The following TSPAN2 variants were observed in gnomAD, a reference collection of about 807,000 sequenced individuals.
TSPAN2 encodes the protein tetraspanin 2, also known as tetraspanin-2.
In TSPAN2, 24 loss-of-function variants were observed where a neutral mutation model predicts 33.3. The observed-to-expected ratio is 0.72, with a 90% CI of 0.52 to 1.01. The LOEUF (loss-of-function observed/expected upper bound fraction) is 1.01. TSPAN2 is among the 50% of genes least tolerant of loss of function. TSPAN2 has a pLI of 0.00. For missense variants in TSPAN2, 278 were observed against 281.3 expected, an observed-to-expected ratio of 0.99 and a Z score of 0.08; for synonymous variants, 114 against 104.5, an observed-to-expected ratio of 1.09 and a Z score of -0.56.
intron 4 of TSPAN2, among the ~76,000 whole-genome samples, chr1:115,059,831 G>A (rs1424734734): frequency 2.0e-5 from 3 of 152,126 alleles, no homozygotes; most frequent in African/African-American, 7.2e-5. Context: ...TCTAAAATAA[G>A]TTCAGAAACA....
At chr1:115,060,255 T>C (rs1647661093) in intron 4 of TSPAN2, among the ~76,000 whole-genome samples, 1 of 152,136 alleles carries the variant, frequency 6.6e-6, no homozygotes, top group East Asian at 1.9e-4. Context: ...ATGGAAGAGA[T>C]GAACTATCTC....
rs943568804 is a variant in TSPAN2, at chr1:115,048,732, A to G, written c.*1758T>C. On this transcript the variant is annotated 3_prime_UTR_variant, in exon 8 of 8. Transcript: ENST00000369516. Reference sequence around the variant, plus strand: ...GCCTAAAAGGTCACATTTCTCAACTACTGGGGTACAAACTATATTTCATGA... The same window carrying G: ...GCCTAAAAGGTCACATTTCTCAACTGCTGGGGTACAAACTATATTTCATGA... 6.6e-6 allele frequency: 1 copy of G among 152,082 alleles called. No individual in the cohort carries two copies. The highest frequency in any genetic ancestry group is 2.4e-5 in the African/African-American group (1 of 41,430). 9.4% of individuals were successfully genotyped at this position (152,082 alleles called of 1,614,324 possible). A position where few individuals can be genotyped will look rare whatever the true frequency, so the allele number is the denominator to read the frequency against.
chr1:115,084,656 G>T (rs1344552895), intron 1 of TSPAN2, among the ~76,000 whole-genome samples: 2 of 152,150 alleles, frequency 1.3e-5, no homozygotes, highest in Non-Finnish European at 2.9e-5. Flanking sequence ...CTTATGGGCT[G>T]GTCTCCAAAG....
At chr1:115,061,378 G>A (rs1258430216) in intron 3 of TSPAN2, among the ~76,000 whole-genome samples, 1 of 152,184 alleles carries the variant, frequency 6.6e-6, no homozygotes, top group Non-Finnish European at 1.5e-5. Context: ...GCAGTTAATT[G>A]AAATTATTTG....
intron 1 of TSPAN2, among the ~76,000 whole-genome samples, chr1:115,082,332 T>C (rs1054772008): frequency 6.6e-6 from 1 of 152,176 alleles, no homozygotes; most frequent in Non-Finnish European, 1.5e-5. Flanking sequence ...TGGTTATGAG[T>C]ACAGACTCTG....
intron 2 of TSPAN2, among the ~76,000 whole-genome samples, chr1:115,065,197 A>C (rs992064083): frequency 6.6e-6 from 1 of 152,198 alleles, no homozygotes; most frequent in Non-Finnish European, 1.5e-5. Context: ...ACAAGAGGAA[A>C]GGTTCCCTGG....
In TSPAN2 at chr1:115,060,572, T is replaced by G. The variant is rs777364734; in HGVS notation, c.271-34A>C. On this transcript the variant is annotated intron_variant, in intron 3 of 7. Transcript: ENST00000369516. The stretch of plus-strand genomic sequence containing the variant: ...GAGAGAAAATACTAATTTCATTAAT[T>G]TAATACCTTTTCAATTTATATATTT... The G allele has an allele frequency of 3.3e-6, 5 of 1,530,752 alleles. No homozygotes were observed. In the African/African-American group the frequency reaches 5.5e-5, roughly 17 times the overall value. 94.8% of individuals were successfully genotyped at this position (1,530,752 alleles called of 1,614,324 possible).
At chr1:115,078,632 C>T (rs1351296169) in intron 1 of TSPAN2, among the ~76,000 whole-genome samples, 1 of 152,202 alleles carries the variant, frequency 6.6e-6, no homozygotes, top group African/African-American at 2.4e-5. Context: ...TAGCTGTCCA[C>T]AAGCCCTCAC....
chr1:115,086,423 C>G (rs979764561), intron 1 of TSPAN2, among the ~76,000 whole-genome samples: 2 of 152,188 alleles, frequency 1.3e-5, no homozygotes, highest in African/African-American at 4.8e-5. Context: ...GGTGCGTCAC[C>G]CCCTCGCTTT....
At chr1:115,054,663 C>A (rs888185558) in intron 6 of TSPAN2, among the ~76,000 whole-genome samples, 2 of 152,134 alleles carry the variant, frequency 1.3e-5, no homozygotes, top group Non-Finnish European at 2.9e-5. Context: ...TTTCTCTGAT[C>A]AGAGCCAAAG....
intron 7 of TSPAN2, 115 bp downstream of exon 7, chr1:115,053,264 C>CT (rs1440007919): frequency 1.1e-6 from 1 of 874,704 alleles, no homozygotes. Flanking sequence ...GAACAAAGGT[C>CT]TTTTTTCTTT....
chr1:115,056,307 C>A (rs979602403), intron 6 of TSPAN2, among the ~76,000 whole-genome samples: 2 of 152,154 alleles, frequency 1.3e-5, no homozygotes, highest in South Asian at 4.1e-4. Flanking sequence ...TGGCTCAAAT[C>A]GAAACTTCTT....
chr1:115,069,321 T>C (rs549045618), intron 2 of TSPAN2, among the ~76,000 whole-genome samples: 1 of 152,304 alleles, frequency 6.6e-6, no homozygotes, highest in African/African-American at 2.4e-5. Flanking sequence ...CTGACTCACC[T>C]CCAGCTCCAC....
chr1:115,056,514 G>A (rs547405527), intron 6 of TSPAN2, among the ~76,000 whole-genome samples: 31 of 152,240 alleles, frequency 2.0e-4, no homozygotes, highest in African/African-American at 7.0e-4. Context: ...TGTTGCTTAC[G>A]CTGGTCTCTC....
chr1:115,055,529 A>AT (rs376330233), intron 6 of TSPAN2, among the ~76,000 whole-genome samples: 4,865 of 147,322 alleles, frequency 0.033, 120 homozygotes, highest in Non-Finnish European at 0.043. Flanking sequence ...TATGATGATT[A>AT]TTTTTTTTTT....
intron 2 of TSPAN2, among the ~76,000 whole-genome samples, chr1:115,064,058 G>GA (rs11392514): frequency 0.34 from 51,226 of 149,322 alleles, 8,802 homozygotes; most frequent in East Asian, 0.46. Flanking sequence ...AGTTGAAAAA[G>GA]AAAAAAAAAA....
chr1:115,086,512 C>A (rs149267419), intron 1 of TSPAN2, among the ~76,000 whole-genome samples: 16 of 152,358 alleles, frequency 1.1e-4, no homozygotes, highest in African/African-American at 3.4e-4. Flanking sequence ...GGCTCCTCAT[C>A]ATGACTGTGA....
intron 6 of TSPAN2, 113 bp from the exon 7 acceptor site, chr1:115,053,575 G>A (rs2101021544): frequency 1.2e-6 from 1 of 851,094 alleles, no homozygotes; most frequent in Non-Finnish European, 1.9e-6. Context: ...ATCCATGCCA[G>A]CTTCTACTCA....
In TSPAN2 at chr1:115,089,354, C is replaced by G; in HGVS notation, c.69+10G>C. 8.9e-6 allele frequency: 14 copies of G among 1,576,298 alleles called. No individual in the cohort carries two copies. Among genetic ancestry groups the G allele is most frequent in the Non-Finnish European group, 1.2e-5 (14 of 1,162,510 alleles). On this transcript the variant is annotated intron_variant, in intron 1 of 7. Transcript: ENST00000369516. Reference sequence around the variant, plus strand: ...CTGCCCTGACCGGCCCTCCCGGCTCCTGGTCTCACCCAGAAGAGCAGGTTG... The same window carrying G: ...CTGCCCTGACCGGCCCTCCCGGCTCGTGGTCTCACCCAGAAGAGCAGGTTG...
Sources: gnomAD v4.1 joint callset for allele counts (sites outside exome capture counted in the v4.1 genomes callset) on GRCh38, gnomAD v4.1.1 for gene constraint, MANE v1.5 for transcripts, NCBI Gene and HGNC (gene_info 2026-07-23, HGNC 2026-07-21) for gene names.